ITK: variants seen among roughly 807,000 people sequenced by gnomAD.
ITK encodes IL2 inducible T cell kinase, also known as tyrosine-protein kinase ITK/TSK.
In ITK, 45 loss-of-function variants were observed where a neutral mutation model predicts 87.6. That is an observed-to-expected ratio of 0.51 (90% confidence interval 0.40 to 0.66). The LOEUF is 0.66. Ranked by LOEUF, ITK falls within the 30% of genes least tolerant of loss-of-function variation. The probability of loss-of-function intolerance (pLI) is 0.00; values close to 1 mark genes in which losing one functional copy is unlikely to be tolerated. For missense variants in ITK, 605 were observed against 766.3 expected, an observed-to-expected ratio of 0.79 and a Z score of 2.48; for synonymous variants, 303 against 273.6, an observed-to-expected ratio of 1.11 and a Z score of -1.06.
Position 157,255,044 on chromosome 5 carries a change from T to C in ITK, c.*2366T>C, listed in dbSNP as rs1561668278. On this transcript the variant is annotated 3_prime_UTR_variant, in exon 17 of 17. Transcript: ENST00000422843. The stretch of plus-strand genomic sequence containing the variant: ...ACTATGTATTTATATTTGGATCAGA[T>C]GCATATTTATTAATGTACAGTCACT... 2 of 201,644 alleles carry C rather than the reference T, an allele frequency of 9.9e-6. No individual in the cohort carries two copies. Among genetic ancestry groups the C allele is most frequent in the East Asian group, 1.5e-4 (2 of 13,048 alleles). The allele number at this position is 201,644 out of a possible 1,614,324, so 12.5% of individuals were successfully genotyped here. A position where few individuals can be genotyped will look rare whatever the true frequency, so the allele number is the denominator to read the frequency against.
intron 7 of ITK, 29 bp downstream of exon 7, chr5:157,228,390 T>C (rs35936741): frequency 0.024 from 31,948 of 1,331,892 alleles, 483 homozygotes; most frequent in Non-Finnish European, 0.031. Context: ...TTTTGGAAAA[T>C]ACAGTCCTAA....
At chr5:157,230,581 C>G (rs1340183082) in intron 7 of ITK, among the ~76,000 whole-genome samples, 3 of 152,042 alleles carry the variant, frequency 2.0e-5, no homozygotes, top group Non-Finnish European at 2.9e-5. Context: ...GTCATCAGTT[C>G]TAAGAATTTT....
chr5:157,216,111 C>T (rs929057478), intron 4 of ITK, among the ~76,000 whole-genome samples: 1 of 152,196 alleles, frequency 6.6e-6, no homozygotes, highest in African/African-American at 2.4e-5. Context: ...TGAGCATCTC[C>T]TCACTCTACC....
intron 4 of ITK, 129 bp from the exon 5 acceptor site, chr5:157,217,738 T>G: frequency 1.3e-6 from 1 of 777,662 alleles, no homozygotes; most frequent in East Asian, 2.5e-5. Context: ...TTATTGCTCC[T>G]TCTGGCCCCC....
intron 9 of ITK, 106 bp downstream of exon 9, chr5:157,238,297 C>A (rs992049777): frequency 4.7e-6 from 4 of 846,982 alleles, no homozygotes; most frequent in Non-Finnish European, 8.1e-6. Flanking sequence ...TAGAGGCTCA[C>A]TAGAAATGGT....
intron 1 of ITK, among the ~76,000 whole-genome samples, chr5:157,206,784 A>G (rs1168944680): frequency 1.3e-5 from 2 of 152,032 alleles, no homozygotes; most frequent in African/African-American, 2.4e-5. Context: ...TTTCTTCTTT[A>G]TGAGTATAGC....
At chr5:157,224,302 A>C (rs1754487922) in intron 6 of ITK, 1 of 151,558 alleles carries the variant, frequency 6.6e-6, no homozygotes. Flanking sequence ...AAAAAAAGTG[A>C]TCACTATTAA....
intron 1 of ITK, among the ~76,000 whole-genome samples, chr5:157,198,505 G>A (rs932001750): frequency 1.3e-5 from 2 of 152,132 alleles, no homozygotes; most frequent in Non-Finnish European, 2.9e-5. Flanking sequence ...TGATGAGTAA[G>A]AGGTCTTATG....
intron 13 of ITK, chr5:157,244,805 T>C (rs1754989013): frequency 2.7e-6 from 1 of 369,568 alleles, no homozygotes; most frequent in Non-Finnish European, 5.2e-6. Context: ...TGTCTGAAGG[T>C]ATTATTCAAG....
At chr5:157,217,017 C>T (rs748959401) in intron 4 of ITK, among the ~76,000 whole-genome samples, 41 of 152,188 alleles carry the variant, frequency 2.7e-4, no homozygotes, top group African/African-American at 8.2e-4. Context: ...TCCCATCTCT[C>T]GTTATTAAGG....
At chr5:157,217,954 CT>C in intron 5 of ITK, 47 bp downstream of exon 5, 2 of 1,528,658 alleles carry the variant, frequency 1.3e-6, no homozygotes, top group Non-Finnish European at 1.8e-6. Flanking sequence ...CACAGGCTAC[CT>C]GATTGGCATG....
chr5:157,223,099 A>G (rs1754457564), intron 6 of ITK, 85 bp downstream of exon 6: 2 of 1,495,310 alleles, frequency 1.3e-6, no homozygotes, highest in Admixed American at 1.7e-5. Context: ...CCTATCTCCC[A>G]CAGTGTAACC....
At chr5:157,245,578 G>A (rs890563431) in intron 13 of ITK, 148 bp from the exon 14 acceptor site, 2 of 718,246 alleles carry the variant, frequency 2.8e-6, no homozygotes, top group African/African-American at 3.5e-5. Flanking sequence ...CATTTGTGAG[G>A]CTTAATTAAC....
At chr5:157,240,001 CT>C (rs1419387594) in intron 9 of ITK, 60 bp from the exon 10 acceptor site, 10 of 1,548,718 alleles carry the variant, frequency 6.5e-6, no homozygotes, top group Non-Finnish European at 8.0e-6. Context: ...TACTCGTAGA[CT>C]TTTTTGTGTC....
intron 8 of ITK, among the ~76,000 whole-genome samples, chr5:157,237,687 A>AT (rs1300358643): frequency 6.6e-6 from 1 of 152,220 alleles, no homozygotes; most frequent in African/African-American, 2.4e-5. Context: ...CACATACCAG[A>AT]GTTCAAATCC....
chr5:157,203,253 A>T (rs1754011821), intron 1 of ITK, among the ~76,000 whole-genome samples: 2 of 152,228 alleles, frequency 1.3e-5, no homozygotes, highest in African/African-American at 2.4e-5. Flanking sequence ...TGAACTCAGA[A>T]TAGCACCTCA....
intron 5 of ITK, among the ~76,000 whole-genome samples, chr5:157,220,593 G>T (rs1370350938): frequency 2.0e-5 from 3 of 152,138 alleles, no homozygotes; most frequent in Non-Finnish European, 2.9e-5. Context: ...GCAGCAGAGT[G>T]GTCAGGAGGC....
intron 7 of ITK, among the ~76,000 whole-genome samples, chr5:157,231,562 G>A (rs1754654593): frequency 6.6e-6 from 1 of 152,052 alleles, no homozygotes. Context: ...TTTGTTAAGT[G>A]GTATTCCTTC....
At position 157,245,902 on chromosome 5, in the gene ITK, C is replaced by T. The variant is rs1755011538; in HGVS notation, c.1536C>T (p.Tyr512=). The T allele has an allele frequency of 1.2e-6, 2 of 1,613,994 alleles. No homozygotes were observed. Among genetic ancestry groups the T allele is most frequent in the Admixed American group, 1.7e-5 (1 of 60,016 alleles). ...GMTRFVLDDQ[Y]TSSTGTKFPV... ...CCAGGTTCGTTCTGGATGATCAGTA[C>T]ACCAGTTCCACAGGCACCAAATTCC... Residue 512 remains tyrosine, a synonymous_variant, in exon 15 of 17, where the codon TAC becomes TAT. Coordinates refer to ENST00000422843, the MANE Select transcript of ITK (RefSeq NM_005546.4).
Sources: gnomAD v4.1 joint callset for allele counts (sites outside exome capture counted in the v4.1 genomes callset) on GRCh38, gnomAD v4.1.1 for gene constraint, MANE v1.5 for transcripts, NCBI Gene and HGNC (gene_info 2026-07-23, HGNC 2026-07-21) for gene names.